The following NAALADL2 variants were observed in gnomAD, a reference collection of about 807,000 sequenced individuals.
NAALADL2 encodes the protein N-acetylated alpha-linked acidic dipeptidase like 2.
A neutral mutation model predicts 87.2 loss-of-function variants in NAALADL2; 76 were observed. The observed-to-expected ratio is 0.87, with a 90% CI of 0.72 to 1.05. NAALADL2 has a LOEUF of 1.05. NAALADL2 is among the 50% of genes least tolerant of loss of function. NAALADL2 has a pLI of 0.00. For synonymous variants in NAALADL2, 354 were observed against 331.0 expected (o/e 1.07, Z -0.75); for missense variants, 1,089 against 945.8 (o/e 1.15, Z -1.99).
intron 11 of NAALADL2, among the ~76,000 whole-genome samples, chr3:175,721,627 A>G (rs1020858701): frequency 3.9e-5 from 6 of 152,116 alleles, no homozygotes; most frequent in Non-Finnish European, 8.8e-5. Context: ...ACAGGCATCA[A>G]CTAACATGTA....
chr3:175,665,643 AT>A (rs1442301242), intron 11 of NAALADL2, among the ~76,000 whole-genome samples: 1 of 152,156 alleles, frequency 6.6e-6, no homozygotes, highest in Non-Finnish European at 1.5e-5. Context: ...ATTAAAAAAA[AT>A]GTTTTAGGCT....
chr3:175,260,837 G>A (rs1247411674), intron 4 of NAALADL2, among the ~76,000 whole-genome samples: 1 of 152,146 alleles, frequency 6.6e-6, no homozygotes, highest in Non-Finnish European at 1.5e-5. Context: ...CTCTTGAAAT[G>A]AGGAGAAAAA....
At chr3:175,435,614 AG>A (rs1226349422) in intron 5 of NAALADL2, among the ~76,000 whole-genome samples, 1 of 152,048 alleles carries the variant, frequency 6.6e-6, no homozygotes, top group African/African-American at 2.4e-5. Flanking sequence ...TATTTGTTGG[AG>A]GGAAGAGAAT....
intron 2 of NAALADL2, among the ~76,000 whole-genome samples, chr3:174,634,288 G>A (rs996541372): frequency 6.6e-6 from 1 of 152,010 alleles, no homozygotes; most frequent in Non-Finnish European, 1.5e-5. Context: ...CTACTTGAAG[G>A]CTATATATTA....
chr3:175,350,827 C>G (rs993352413), intron 5 of NAALADL2, among the ~76,000 whole-genome samples: 1 of 151,998 alleles, frequency 6.6e-6, no homozygotes, highest in Non-Finnish European at 1.5e-5. Flanking sequence ...TGTTTGGGGA[C>G]AATTAAAATT....
intron 11 of NAALADL2, among the ~76,000 whole-genome samples, chr3:175,638,137 A>C (rs1728797221): frequency 6.6e-6 from 1 of 152,160 alleles, no homozygotes; most frequent in Admixed American, 6.5e-5. Flanking sequence ...ATTACCTCGA[A>C]TCATAAGAAA....
chr3:175,613,392 A>T (rs1022637076), intron 10 of NAALADL2, among the ~76,000 whole-genome samples: 4 of 152,248 alleles, frequency 2.6e-5, no homozygotes, highest in African/African-American at 9.6e-5. Flanking sequence ...CATAGACTTA[A>T]AATTACTGAA....
At chr3:174,853,429 T>C (rs1403271679) in intron 3 of NAALADL2, among the ~76,000 whole-genome samples, 8 of 143,630 alleles carry the variant, frequency 5.6e-5, no homozygotes, top group East Asian at 4.0e-4. Flanking sequence ...AACCATGAAA[T>C]TGCAAAAAGA....
intron 2 of NAALADL2, among the ~76,000 whole-genome samples, chr3:174,679,017 C>G (rs1021666754): frequency 3.3e-5 from 5 of 152,062 alleles, no homozygotes; most frequent in African/African-American, 1.2e-4. Flanking sequence ...TGTGCTGTGT[C>G]TAGATACGAA....
chr3:174,729,093 T>C (rs143031893), intron 2 of NAALADL2, among the ~76,000 whole-genome samples: 121 of 152,106 alleles, frequency 8.0e-4, no homozygotes, highest in African/African-American at 2.8e-3. Flanking sequence ...AACTAACTTA[T>C]TTTTAGAGTG....
intron 1 of NAALADL2, chr3:175,059,644 CT>C: frequency 2.8e-6 from 1 of 361,910 alleles, no homozygotes; most frequent in Non-Finnish European, 5.2e-6. Flanking sequence ...TTTTGGCTTT[CT>C]TTGATTCATT....
At chr3:175,362,159 C>G (rs1765092801) in intron 5 of NAALADL2, among the ~76,000 whole-genome samples, 1 of 147,974 alleles carries the variant, frequency 6.8e-6, no homozygotes, top group African/African-American at 2.5e-5. Context: ...TCAGGTTTGT[C>G]AAAGATCAGA....
intron 2 of NAALADL2, among the ~76,000 whole-genome samples, chr3:175,125,181 A>T (rs1726760955): frequency 6.6e-6 from 1 of 151,994 alleles, no homozygotes; most frequent in Non-Finnish European, 1.5e-5. Context: ...CTTATTTTCA[A>T]TTTAATTGAA....
intron 3 of NAALADL2, among the ~76,000 whole-genome samples, chr3:175,237,700 C>T (rs1272587570): frequency 4.6e-5 from 7 of 152,010 alleles, no homozygotes; most frequent in Non-Finnish European, 5.9e-5. Context: ...AAGAAGAAGC[C>T]GGTTTACTTA....
chr3:174,793,706 A>C (rs913401358), intron 3 of NAALADL2, among the ~76,000 whole-genome samples: 1 of 152,110 alleles, frequency 6.6e-6, no homozygotes, highest in Non-Finnish European at 1.5e-5. Flanking sequence ...TAATTTATTT[A>C]TTCCCGTGGC....
intron 13 of NAALADL2, among the ~76,000 whole-genome samples, chr3:175,772,315 C>T (rs1749603723): frequency 6.6e-6 from 1 of 151,692 alleles, no homozygotes; most frequent in Non-Finnish European, 1.5e-5. Context: ...CTTGTGTTAA[C>T]CTGGGACTAG....
chr3:174,605,949 C>A (rs375168509), intron 2 of NAALADL2, among the ~76,000 whole-genome samples: 24 of 152,232 alleles, frequency 1.6e-4, no homozygotes, highest in African/African-American at 5.8e-4. Flanking sequence ...CCTCACATGG[C>A]CGGATACTCC....
At chr3:174,987,965 G>A (rs555936803) in intron 1 of NAALADL2, among the ~76,000 whole-genome samples, 63 of 151,502 alleles carry the variant, frequency 4.2e-4, no homozygotes, top group Non-Finnish European at 3.7e-4. Flanking sequence ...ACTGTGTCTG[G>A]CCCTATTAGA....
intron 3 of NAALADL2, among the ~76,000 whole-genome samples, chr3:175,249,360 G>A (rs1423470200): frequency 6.6e-6 from 1 of 152,124 alleles, no homozygotes; most frequent in South Asian, 2.1e-4. Context: ...AGAAATTAAT[G>A]TGAAATAGAA....
Sources: gnomAD v4.1 joint callset for allele counts (sites outside exome capture counted in the v4.1 genomes callset) on GRCh38, gnomAD v4.1.1 for gene constraint, MANE v1.5 for transcripts, NCBI Gene and HGNC (gene_info 2026-07-23, HGNC 2026-07-21) for gene names.